The following SFMBT2 variants were observed in gnomAD, a reference collection of about 807,000 sequenced individuals.
SFMBT2 encodes the protein scm-like with four MBT domains protein 2.
Under a neutral mutation model 110.1 loss-of-function variants are expected in SFMBT2, and 38 were observed. The observed-to-expected ratio is 0.35, with a 90% CI of 0.27 to 0.45. The LOEUF is 0.45. Ranked by LOEUF, SFMBT2 falls within the 20% of genes least tolerant of loss-of-function variation. The pLI is 1.00. For synonymous variants in SFMBT2, 425 were observed against 425.4 expected, an observed-to-expected ratio of 1.00 and a Z score of 0.01; for missense variants, 1,011 against 1,094.9, an observed-to-expected ratio of 0.92 and a Z score of 1.08.
chr10:7,164,298 A>C lies in SFMBT2; in HGVS notation c.2545-388T>G, dbSNP rs1837635413. The C allele has an allele frequency of 9.5e-6, 6 of 630,344 alleles. No homozygotes were observed. In the South Asian group the frequency reaches 4.2e-4, roughly 44 times the overall value. 39.0% of individuals were successfully genotyped at this position (630,344 alleles called of 1,614,324 possible). A position where few individuals can be genotyped will look rare whatever the true frequency, so the allele number is the denominator to read the frequency against. On this transcript the variant is annotated intron_variant, in intron 20 of 20. Coordinates refer to ENST00000397167, the MANE Select transcript of SFMBT2 (RefSeq NM_001387889.1). ...GCTACTCAGAGGCTGAGGTGGGAGGATCACCTGAACCCAGGAGTTTGAGGT... is the reference window on the plus strand; with the variant it reads ...GCTACTCAGAGGCTGAGGTGGGAGGCTCACCTGAACCCAGGAGTTTGAGGT...
chr10:7,304,691 C>T (rs1327163460), intron 4 of SFMBT2, among the ~76,000 whole-genome samples: 2 of 152,136 alleles, frequency 1.3e-5, no homozygotes, highest in African/African-American at 4.8e-5. Context: ...CTATCGATGC[C>T]GTCCATCAGA....
At chr10:7,298,660 T>C (rs1842476062) in intron 4 of SFMBT2, among the ~76,000 whole-genome samples, 2 of 152,210 alleles carry the variant, frequency 1.3e-5, no homozygotes, top group African/African-American at 4.8e-5. Flanking sequence ...TGTGTGTATG[T>C]ATGTGCGTAT....
Position 7,171,592 on chromosome 10 carries a change from G to A in SFMBT2, c.2415+303C>T. The A allele has an allele frequency of 2.0e-6, 2 of 984,848 alleles. No homozygotes were observed. The highest frequency in any genetic ancestry group is 1.1e-4 in the East Asian group (1 of 8,822). 61.0% of individuals were successfully genotyped at this position (984,848 alleles called of 1,614,324 possible). ...GGGGAGATGCGGGGAAGGAATTTCT[G>A]GAAACCCAGACTTCAAAGGAAACTG... On this transcript the variant is annotated intron_variant, in intron 19 of 20. Transcript: ENST00000397167. The surrounding 1 kb of genome is among the most constrained non-coding windows in gnomAD (Gnocchi z 4.9).
At chr10:7,295,664 T>C (rs1842388636) in intron 4 of SFMBT2, among the ~76,000 whole-genome samples, 1 of 152,268 alleles carries the variant, frequency 6.6e-6, no homozygotes, top group South Asian at 2.1e-4. Context: ...AGTTTGTAAC[T>C]GCTTACATAA....
intron 4 of SFMBT2, among the ~76,000 whole-genome samples, chr10:7,342,002 A>G (rs1843921482): frequency 6.6e-6 from 1 of 152,204 alleles, no homozygotes; most frequent in African/African-American, 2.4e-5. Flanking sequence ...GAGTGTGCCA[A>G]TGAAGAGTTG....
chr10:7,185,628 G>GT (rs540268223), intron 16 of SFMBT2, among the ~76,000 whole-genome samples: 201 of 152,254 alleles, frequency 1.3e-3, no homozygotes, highest in African/African-American at 4.7e-3. Flanking sequence ...ATCCTACCAG[G>GT]ATATTTCCTC....
intron 4 of SFMBT2, among the ~76,000 whole-genome samples, chr10:7,337,396 G>A (rs1843748703): frequency 6.6e-6 from 1 of 152,214 alleles, no homozygotes; most frequent in Admixed American, 6.5e-5. Flanking sequence ...AATCCTCAGT[G>A]TTGAAGGCAG....
At chr10:7,400,677 G>A (rs544515045) in intron 1 of SFMBT2, among the ~76,000 whole-genome samples, 30 of 152,332 alleles carry the variant, frequency 2.0e-4, no homozygotes, top group Admixed American at 5.9e-4. Flanking sequence ...GCATTTGGCC[G>A]AACTTCTTTT....
At chr10:7,334,340 G>T (rs1843653199) in intron 4 of SFMBT2, among the ~76,000 whole-genome samples, 1 of 152,152 alleles carries the variant, frequency 6.6e-6, no homozygotes, top group Non-Finnish European at 1.5e-5. Context: ...CAGACACACA[G>T]TTCGGCCTGC....
chr10:7,172,114 G>A lies in SFMBT2; in HGVS notation c.2196C>T (p.Ala732=). The change falls in exon 19 of 21, where the codon GCC becomes GCT. Residue 732 remains alanine (A), a synonymous_variant. Coordinates refer to ENST00000397167, the MANE Select transcript of SFMBT2 (RefSeq NM_001387889.1). The surrounding 1 kb of genome is among the most constrained non-coding windows in gnomAD (Gnocchi z 4.6). ...GGAGCTCGGAGCCGGTCTCCTCACT[G>A]GCGGTGTCATCGTCCATGGCGTCAG... is the stretch of plus-strand genomic sequence containing the variant. ...EDADAMDDDT[A]SEETGSELRD... is the part of the protein sequence containing the mutation. 1 of 1,590,472 alleles carries A rather than the reference G, an allele frequency of 6.3e-7. No homozygotes were observed. The highest frequency in any genetic ancestry group is 8.6e-7 in the Non-Finnish European group (1 of 1,167,396).
chr10:7,393,542 T>C (rs978533165), intron 1 of SFMBT2, among the ~76,000 whole-genome samples: 1 of 152,200 alleles, frequency 6.6e-6, no homozygotes, highest in South Asian at 2.1e-4. Flanking sequence ...GGCATTCTAC[T>C]GTGAGCAGAA....
chr10:7,269,154 A>G (rs1588401998), intron 7 of SFMBT2, among the ~76,000 whole-genome samples: 1 of 152,232 alleles, frequency 6.6e-6, no homozygotes, highest in African/African-American at 2.4e-5. Context: ...CTGAATGTAC[A>G]TTTTGGAAAT....
intron 4 of SFMBT2, chr10:7,348,148 TA>T: frequency 3.5e-6 from 2 of 579,560 alleles, no homozygotes; most frequent in Non-Finnish European, 5.6e-6. Flanking sequence ...AAAGAAGTTC[TA>T]AAAACATTTT....
intron 15 of SFMBT2, among the ~76,000 whole-genome samples, chr10:7,193,236 C>G (rs1838657929): frequency 6.6e-6 from 1 of 152,190 alleles, no homozygotes; most frequent in Non-Finnish European, 1.5e-5. Flanking sequence ...TGGAGAGCCC[C>G]TGCCTGCTCA....
chr10:7,165,947 C>A (rs576490317), intron 20 of SFMBT2, among the ~76,000 whole-genome samples: 1 of 152,356 alleles, frequency 6.6e-6, no homozygotes, highest in South Asian at 2.1e-4. Flanking sequence ...TAGGCCAATT[C>A]CACTTTCAGA....
chr10:7,261,488 G>A (rs1423303229), intron 7 of SFMBT2, among the ~76,000 whole-genome samples: 2 of 152,196 alleles, frequency 1.3e-5, no homozygotes, highest in African/African-American at 4.8e-5. Context: ...GCATGAATCA[G>A]TACAGACTCA....
Position 7,367,589 on chromosome 10 carries a change from A to G in SFMBT2, c.436+60T>C. ...CAAGGTTCTCTCTGCTCCTTGCAAAATTACAGGCGTCATGAAGGATGGCGG... is the reference window on the plus strand; with the variant it reads ...CAAGGTTCTCTCTGCTCCTTGCAAAGTTACAGGCGTCATGAAGGATGGCGG... On this transcript the variant is annotated intron_variant, in intron 4 of 20. Transcript: ENST00000397167. This position sits in a 1 kb window ranked among gnomAD's most constrained non-coding sequence, Gnocchi z 6.2. The G allele has an allele frequency of 6.4e-7, 1 of 1,568,604 alleles. No individual in the cohort carries two copies. Among genetic ancestry groups the G allele is most frequent in the Admixed American group, 1.7e-5 (1 of 57,318 alleles).
chr10:7,372,258 C>T (rs1845083991), intron 2 of SFMBT2, among the ~76,000 whole-genome samples: 1 of 152,152 alleles, frequency 6.6e-6, no homozygotes. Context: ...AAGTAAGTCT[C>T]TCTTAATACT....
chr10:7,328,836 G>A (rs74116918), intron 4 of SFMBT2, among the ~76,000 whole-genome samples: 1,621 of 152,328 alleles, frequency 0.011, 30 homozygotes, highest in African/African-American at 0.037. Context: ...AGAACAAGGT[G>A]ACTAAGAAAA....
Sources: gnomAD v4.1 joint callset for allele counts (sites outside exome capture counted in the v4.1 genomes callset) on GRCh38, gnomAD v4.1.1 for gene constraint, Gnocchi (gnomAD v3.1) non-coding constraint, MANE v1.5 for transcripts, NCBI Gene and HGNC (gene_info 2026-07-23, HGNC 2026-07-21) for gene names.